LGSN: variants seen among roughly 807,000 people sequenced by gnomAD.
The protein encoded by LGSN is lengsin, lens protein with glutamine synthetase domain.
LGSN carries 21 observed loss-of-function variants against 19.5 expected under a neutral mutation model. The observed-to-expected ratio is 1.07, with a 90% CI of 0.76 to 1.55. The LOEUF (loss-of-function observed/expected upper bound fraction) is 1.55. Among genes scored for constraint, LGSN ranks in the 40% most tolerant of loss-of-function variants. The probability of loss-of-function intolerance (pLI) is 0.00; values close to 1 mark genes in which losing one functional copy is unlikely to be tolerated. For synonymous variants in LGSN, 257 were observed against 215.6 expected, an observed-to-expected ratio of 1.19 and a Z score of -1.68; for missense variants, 673 against 608.5, an observed-to-expected ratio of 1.11 and a Z score of -1.12.
At chr6:63,312,148 G>A (rs1489455578) in intron 1 of LGSN, among the ~76,000 whole-genome samples, 1 of 152,190 alleles carries the variant, frequency 6.6e-6, no homozygotes, top group African/African-American at 2.4e-5. Flanking sequence ...TTCAAAGGCT[G>A]AATACTATCC....
the LGSN span, among the ~76,000 whole-genome samples, chr6:63,404,783 TA>T: frequency 1.3e-5 from 2 of 151,538 alleles, no homozygotes; most frequent in African/African-American, 4.9e-5. Flanking sequence ...ATTAATATAC[TA>T]AAAAAAAGTA....
chr6:63,518,130 G>A, the LGSN span, among the ~76,000 whole-genome samples: 1 of 147,600 alleles, frequency 6.8e-6, no homozygotes, highest in South Asian at 2.1e-4. Flanking sequence ...CTCCAGCCTG[G>A]GCAACACAGT....
the LGSN span, among the ~76,000 whole-genome samples, chr6:63,366,178 A>G: frequency 2.4e-4 from 37 of 152,316 alleles, no homozygotes; most frequent in African/African-American, 8.9e-4. Context: ...ATGATTGTAT[A>G]TTTAGAAAAC....
At chr6:63,479,173 G>A in the LGSN span, among the ~76,000 whole-genome samples, 6 of 152,168 alleles carry the variant, frequency 3.9e-5, no homozygotes, top group African/African-American at 1.4e-4. Context: ...GGCTTACTGA[G>A]ATTGGCTTTG....
chr6:63,351,684 C>T, the LGSN span, among the ~76,000 whole-genome samples: 1 of 152,074 alleles, frequency 6.6e-6, no homozygotes, highest in African/African-American at 2.4e-5. Context: ...TCTCGAATTC[C>T]TAGCCTCAAG....
At chr6:63,307,362 G>A (rs1768431692) in intron 1 of LGSN, among the ~76,000 whole-genome samples, 1 of 152,124 alleles carries the variant, frequency 6.6e-6, no homozygotes, top group South Asian at 2.1e-4. Context: ...CAAGTACTTG[G>A]CACACTCTTA....
At chr6:63,347,051 G>T in the LGSN span, among the ~76,000 whole-genome samples, 2 of 152,122 alleles carry the variant, frequency 1.3e-5, no homozygotes, top group Admixed American at 1.3e-4. Flanking sequence ...TAGAACAAGA[G>T]GCACTCCTAT....
chr6:63,559,804 T>C, the LGSN span, among the ~76,000 whole-genome samples: 1 of 151,958 alleles, frequency 6.6e-6, no homozygotes, highest in African/African-American at 2.4e-5. Context: ...CATATAATAC[T>C]AGCACTTTGG....
the LGSN span, among the ~76,000 whole-genome samples, chr6:63,463,151 G>A: frequency 6.6e-6 from 1 of 152,120 alleles, no homozygotes; most frequent in East Asian, 1.9e-4. Flanking sequence ...TAACCTCTCT[G>A]TATCTCTGTT....
the LGSN span, among the ~76,000 whole-genome samples, chr6:63,445,635 T>C: frequency 6.6e-6 from 1 of 151,882 alleles, no homozygotes; most frequent in Non-Finnish European, 1.5e-5. Flanking sequence ...ATAATAAAAA[T>C]AAAAAAGAAG....
At chr6:63,467,822 G>A in the LGSN span, among the ~76,000 whole-genome samples, 1 of 152,152 alleles carries the variant, frequency 6.6e-6, no homozygotes, top group Non-Finnish European at 1.5e-5. Flanking sequence ...CCCCTGAGTA[G>A]CTGGGATTAC....
At chr6:63,432,129 G>GA in the LGSN span, among the ~76,000 whole-genome samples, 2 of 100,754 alleles carry the variant, frequency 2.0e-5, no homozygotes, top group African/African-American at 8.1e-5. Context: ...AAGAAAGAAA[G>GA]AAAGAAAGAA....
At chr6:63,395,014 T>A in the LGSN span, 1 of 157,712 alleles carries the variant, frequency 6.3e-6, no homozygotes, top group South Asian at 1.7e-4. Flanking sequence ...CAGTTCTCCA[T>A]GCACTTGAGG....
chr6:63,312,359 G>C (rs1365627308), intron 1 of LGSN, among the ~76,000 whole-genome samples: 2 of 152,038 alleles, frequency 1.3e-5, no homozygotes, highest in Admixed American at 6.6e-5. Flanking sequence ...TATTTTTAAT[G>C]GATGATTGAT....
At chr6:63,402,743 G>C in the LGSN span, among the ~76,000 whole-genome samples, 3 of 151,974 alleles carry the variant, frequency 2.0e-5, no homozygotes, top group Non-Finnish European at 4.4e-5. Context: ...ATAGTACCCA[G>C]ATGTTTGGGC....
At chr6:63,562,264 G>A in the LGSN span, among the ~76,000 whole-genome samples, 1 of 150,426 alleles carries the variant, frequency 6.6e-6, no homozygotes, top group East Asian at 2.0e-4. Context: ...CAATGGTGCG[G>A]TCTCAGCTCA....
chr6:63,548,494 A>G, the LGSN span, among the ~76,000 whole-genome samples: 2 of 152,138 alleles, frequency 1.3e-5, no homozygotes, highest in African/African-American at 2.4e-5. Context: ...GTTTGTCTCC[A>G]TCGTAGCAGC....
chr6:63,435,074 G>A, the LGSN span, among the ~76,000 whole-genome samples: 13 of 152,126 alleles, frequency 8.5e-5, no homozygotes, highest in Admixed American at 1.3e-4. Flanking sequence ...CATGTGCCTC[G>A]AGCCATTTTA....
At chr6:63,416,929 ATG>A in the LGSN span, among the ~76,000 whole-genome samples, 1 of 28,574 alleles carries the variant, frequency 3.5e-5, no homozygotes, top group East Asian at 1.0e-3. Context: ...ATACATATGT[ATG>A]TACACACACA....
Sources: allele counts gnomAD v4.1 joint callset (sites outside exome capture counted in the v4.1 genomes callset), GRCh38; gene constraint gnomAD v4.1.1; transcripts MANE v1.5; gene names NCBI Gene and HGNC (gene_info 2026-07-23, HGNC 2026-07-21).